Variants in TOGARAM2 observed in about 807,000 individuals in gnomAD.
TOGARAM2 encodes the protein TOG array regulator of axonemal microtubules 2.
TOGARAM2 carries 85 observed loss-of-function variants against 93.3 expected under a neutral mutation model. The observed-to-expected ratio is 0.91, with a 90% CI of 0.76 to 1.09. The LOEUF is 1.09. Ranked by LOEUF, TOGARAM2 falls within the 50% of genes least tolerant of loss-of-function variation. The probability of loss-of-function intolerance (pLI) is 0.00; values close to 1 mark genes in which losing one functional copy is unlikely to be tolerated. For synonymous variants in TOGARAM2, 593 were observed against 552.8 expected (o/e 1.07, Z -1.02); for missense variants, 1,277 against 1,334.5 (o/e 0.96, Z 0.67).
chr2:29,030,951 C>T (rs1208467976), intron 14 of TOGARAM2, among the ~76,000 whole-genome samples: 1 of 152,210 alleles, frequency 6.6e-6, no homozygotes, highest in African/African-American at 2.4e-5. Context: ...TCCAAGTCTG[C>T]CTCTCTGTGT....
intron 1 of TOGARAM2, among the ~76,000 whole-genome samples, chr2:28,969,096 G>C (rs1671910000): frequency 6.6e-6 from 1 of 152,196 alleles, no homozygotes; most frequent in Non-Finnish European, 1.5e-5. Flanking sequence ...ATTATTCACA[G>C]AGAGAAGGAC....
At chr2:28,983,197 T>TAA (rs1672299240) in intron 1 of TOGARAM2, among the ~76,000 whole-genome samples, 1 of 46,104 alleles carries the variant, frequency 2.2e-5, no homozygotes, top group African/African-American at 6.3e-5. Context: ...TATATATATA[T>TAA]ATTTTTTTTT....
chr2:29,032,739 G>T (rs1225842937), intron 14 of TOGARAM2, 195 bp from the exon 15 acceptor site: 1 of 522,102 alleles, frequency 1.9e-6, no homozygotes, highest in African/African-American at 1.9e-5. Context: ...ATTTAATAGG[G>T]ATTTTCTCTT....
At chr2:29,022,494 G>A (rs1394981317) in intron 11 of TOGARAM2, among the ~76,000 whole-genome samples, 186 bp downstream of exon 11, 1 of 152,240 alleles carries the variant, frequency 6.6e-6, no homozygotes, top group Non-Finnish European at 1.5e-5. Context: ...GTGTGTGCAT[G>A]AGTGTGTGGT....
In TOGARAM2 at chr2:29,017,868, C is replaced by T. The variant is rs79578330; in HGVS notation, c.1272C>T (p.Ser424=). The part of the protein sequence containing the change: ...RLSGPCRNDV[S]IILRKWASRA... ...GCGGCCCATGCAGAAACGACGTCAG[C>T]ATCATCCTGAGGAAGTGGGCCAGCC... The change falls in exon 10 of 20, where the codon AGC becomes AGT. Residue 424 remains serine (S), a synonymous_variant. Transcript: ENST00000379558. 1.2e-3 allele frequency: 1,870 copies of T among 1,613,518 alleles called. 30 individuals carry two copies. In the African/African-American group the frequency reaches 0.021, roughly 18 times the overall value.
intron 1 of TOGARAM2, among the ~76,000 whole-genome samples, chr2:28,967,650 A>C (rs1671885676): frequency 6.6e-6 from 1 of 152,108 alleles, no homozygotes. Flanking sequence ...TTGAAAAAGC[A>C]CTGATTAGAG....
Position 29,026,928 on chromosome 2 carries a change from G to T in TOGARAM2, c.1929G>T (p.Lys643Asn). ...TGCTGGAGCAGATCGGCGCTGAGAA[G>T]CTTCTCTCGGGCACCAGAGACAGCA... is the stretch of plus-strand genomic sequence containing the variant. ...SAVLEQIGAE[K>N]LLSGTRDSTD... Residue 643 changes from lysine to asparagine, a missense_variant, in exon 14 of 20, where the codon AAG (lysine) becomes AAT (asparagine). By Grantham distance (94) the Lys-to-Asn change is moderately conservative (BLOSUM62 0). Coordinates refer to ENST00000379558, the MANE Select transcript of TOGARAM2 (RefSeq NM_199280.4). 1.3e-6 allele frequency: 2 copies of T among 1,581,254 alleles called. No individual in the cohort carries two copies. The highest frequency in any genetic ancestry group is 1.7e-6 in the Non-Finnish European group (2 of 1,163,498).
rs1673147996 is a variant in TOGARAM2, at chr2:28,999,181, G to T, written c.140G>T (p.Gly47Val). Residue 47 changes from glycine (G) to valine (V), a missense_variant and splice_region_variant, in exon 4 of 20, where the codon GGT becomes GTT. By Grantham distance (109) the Gly-to-Val change is moderately radical. Transcript: ENST00000379558. ...SINSSLPHGE[G>V]SLQPEPRALL... ...CCATTCACACCTCTGTCCCCCTCAGGTTCTCTCCAGCCTGAGCCAAGAGCC... is the reference window on the plus strand; with the variant it reads ...CCATTCACACCTCTGTCCCCCTCAGTTTCTCTCCAGCCTGAGCCAAGAGCC... The T allele has an allele frequency of 1.9e-6, 3 of 1,610,224 alleles. No individual in the cohort carries two copies. Among genetic ancestry groups the T allele is most frequent in the Non-Finnish European group, 2.5e-6 (3 of 1,177,782 alleles).
Position 29,029,603 on chromosome 2 carries a change from A to T in TOGARAM2, c.2012+2592A>T, listed in dbSNP as rs1211892981. On this transcript the variant is annotated intron_variant, in intron 14 of 19. Coordinates refer to ENST00000379558, the MANE Select transcript of TOGARAM2 (RefSeq NM_199280.4). ...AACCCCGTCTCTACTAAAAATACAA[A>T]AAATTAGCCAGGTGTGGTGGCGGGT... Among the ~76,000 whole-genome samples, 3 of 150,308 alleles carry T rather than the reference A, an allele frequency of 2.0e-5. No individual in the cohort carries two copies. In the East Asian group the frequency reaches 5.8e-4, roughly 29 times the overall value.
intron 6 of TOGARAM2, among the ~76,000 whole-genome samples, chr2:29,006,020 G>A (rs1393733838): frequency 1.7e-5 from 2 of 118,364 alleles, no homozygotes; most frequent in Admixed American, 9.2e-5. Context: ...GTGTGTGTGT[G>A]AGACCATATG....
Position 28,988,027 on chromosome 2 carries a change from GA to G in TOGARAM2, c.-111+6492del, listed in dbSNP as rs923954138. 1.6e-4 allele frequency among the ~76,000 whole-genome samples: 24 copies of G among 152,178 alleles called. 1 individual carries two copies. Among genetic ancestry groups the G allele is most frequent in the African/African-American group, 5.5e-4 (23 of 41,444 alleles). On this transcript the variant is annotated intron_variant, in intron 1 of 19. Coordinates refer to ENST00000379558, the MANE Select transcript of TOGARAM2 (RefSeq NM_199280.4). ...AGTGGCCGAGTTGAGGGTCAGTGTG[GA>G]AACCAGCCCTGCCCCAAGCTAATAA...
chr2:28,962,310 A>G (rs4375815), intron 1 of TOGARAM2, among the ~76,000 whole-genome samples: 151,150 of 151,904 alleles, frequency 1, 75,202 homozygotes, highest in East Asian at 1. Context: ...CAAGTAGCTC[A>G]GATTACAGGC....
chr2:28,999,084 C>T, intron 3 of TOGARAM2, 97 bp from the exon 4 acceptor site: 1 of 1,298,652 alleles, frequency 7.7e-7, no homozygotes, highest in Non-Finnish European at 1.0e-6. Context: ...AGGCAAGTGG[C>T]TGCCTGTTAG....
intron 18 of TOGARAM2, among the ~76,000 whole-genome samples, chr2:29,044,640 C>T (rs995426446): frequency 6.6e-6 from 1 of 151,982 alleles, no homozygotes; most frequent in African/African-American, 2.4e-5. Flanking sequence ...GTCTAAGCGT[C>T]TGTCTGCTTG....
chr2:29,029,645 A>G (rs1200518527), intron 14 of TOGARAM2, among the ~76,000 whole-genome samples: 1 of 148,560 alleles, frequency 6.7e-6, no homozygotes, highest in Non-Finnish European at 1.5e-5. Context: ...AGTCCCAGCT[A>G]CTCAGGAGGC....
chr2:28,994,939 GA>G, intron 2 of TOGARAM2, 77 bp downstream of exon 2: 3 of 1,511,378 alleles, frequency 2.0e-6, no homozygotes, highest in Non-Finnish European at 1.8e-6. Context: ...CCAAGGGCCA[GA>G]AAAAGGGAGA....
At chr2:29,018,855 G>A (rs1227204530) in intron 10 of TOGARAM2, among the ~76,000 whole-genome samples, 1 of 152,090 alleles carries the variant, frequency 6.6e-6, no homozygotes, top group Non-Finnish European at 1.5e-5. Context: ...AATCATGGTG[G>A]CACCTCTCTC....
Position 28,994,842 on chromosome 2 carries a change from C to T in TOGARAM2, c.8C>T (p.Thr3Ile). ...ACCTTCTCCACCCAGGACATGGGCA[C>T]CCGTGACGATGTCCCCGAAGGTAAG... MG[T>I]RDDVPEAKVL... The change falls in exon 2 of 20, where the codon ACC becomes ATC. Residue 3 changes from threonine to isoleucine, a missense_variant. Thr to Ile is a moderately conservative substitution (Grantham distance 89). Coordinates refer to ENST00000379558, the MANE Select transcript of TOGARAM2 (RefSeq NM_199280.4). The T allele has an allele frequency of 6.4e-7, 1 of 1,552,582 alleles. No individual in the cohort carries two copies. The highest frequency in any genetic ancestry group is 8.7e-7 in the Non-Finnish European group (1 of 1,147,440).
chr2:28,990,991 GGTGTGTGTGTGTGTGTGTGTGTGTGT>G (rs70958233), intron 1 of TOGARAM2, among the ~76,000 whole-genome samples: 13 of 119,862 alleles, frequency 1.1e-4, no homozygotes, highest in Admixed American at 5.1e-4. Flanking sequence ...GTGTGTGAAG[GGTGTGTGTGTGTGTGTGTGTGTGTGT>G]GTGTGTGTGT....
Sources: gnomAD v4.1 joint callset for allele counts (sites outside exome capture counted in the v4.1 genomes callset) on GRCh38, gnomAD v4.1.1 for gene constraint, MANE v1.5 for transcripts, NCBI Gene and HGNC (gene_info 2026-07-23, HGNC 2026-07-21) for gene names.